The following KLHL5 variants were observed in gnomAD, a reference collection of about 807,000 sequenced individuals.
The protein encoded by KLHL5 is kelch like family member 5.
Under a neutral mutation model 77.7 loss-of-function variants are expected in KLHL5, and 48 were observed. The ratio of observed to expected loss-of-function variants is 0.62; its 90% CI spans 0.49 to 0.79. KLHL5 has a LOEUF of 0.79. Among genes scored for constraint, KLHL5 ranks in the 30% least tolerant of loss-of-function variants. The pLI is 0.00. For synonymous variants in KLHL5, 260 were observed against 297.0 expected, an observed-to-expected ratio of 0.88 and a Z score of 1.28; for missense variants, 723 against 859.7, an observed-to-expected ratio of 0.84 and a Z score of 1.99.
At chr4:39,104,176 G>A (rs1269033733) in intron 7 of KLHL5, among the ~76,000 whole-genome samples, 5 of 152,048 alleles carry the variant, frequency 3.3e-5, no homozygotes, top group South Asian at 2.1e-4. Context: ...AAGAGACATA[G>A]ATTTCCACTA....
At chr4:39,093,093 C>T (rs191360886) in intron 5 of KLHL5, 12 of 455,734 alleles carry the variant, frequency 2.6e-5, no homozygotes, top group Non-Finnish European at 4.4e-5. Context: ...AAACTGGAAG[C>T]AACCTAAGAA....
intron 2 of KLHL5, among the ~76,000 whole-genome samples, chr4:39,077,253 T>C (rs1719146195): frequency 6.6e-6 from 1 of 151,796 alleles, no homozygotes; most frequent in Non-Finnish European, 1.5e-5. Flanking sequence ...GGTCAGGAGA[T>C]TGAGACCATC....
chr4:39,140,270 T>G, the KLHL5 span, among the ~76,000 whole-genome samples: 1 of 152,134 alleles, frequency 6.6e-6, no homozygotes, highest in Non-Finnish European at 1.5e-5. Context: ...AAGCAGTGCA[T>G]AATCCTGGAT....
chr4:39,079,535 G>T (rs749982555), intron 2 of KLHL5, among the ~76,000 whole-genome samples: 21 of 152,130 alleles, frequency 1.4e-4, no homozygotes, highest in Non-Finnish European at 2.9e-4. Context: ...ATACCTGCAT[G>T]ACCAAATCCT....
rs1007737272 is a variant in KLHL5, at chr4:39,107,995, A to G, written c.1688+264A>G. On this transcript the variant is annotated intron_variant, in intron 8 of 10. Coordinates refer to ENST00000504108, the MANE Select transcript of KLHL5 (RefSeq NM_015990.5). ...TTAATGTTCAATATTAATAAGTTGTACTATAAAAATCTGGTATATCTATAT... is the reference window on the plus strand; with the variant it reads ...TTAATGTTCAATATTAATAAGTTGTGCTATAAAAATCTGGTATATCTATAT... Among the ~76,000 whole-genome samples, 4 of 151,306 alleles carry G rather than the reference A, an allele frequency of 2.6e-5. No homozygotes were observed. The East Asian group carries it at 7.7e-4, about 29-fold the overall frequency.
chr4:39,097,914 T>TA (rs1399247549), intron 6 of KLHL5, among the ~76,000 whole-genome samples: 1 of 151,992 alleles, frequency 6.6e-6, no homozygotes, highest in Non-Finnish European at 1.5e-5. Flanking sequence ...GTGGATTGCT[T>TA]AAGGTCAGGA....
intron 5 of KLHL5, among the ~76,000 whole-genome samples, 174 bp downstream of exon 5, chr4:39,086,901 A>ATTT (rs1720090638): frequency 9.6e-6 from 1 of 103,966 alleles, no homozygotes. Flanking sequence ...ATTAAGTAAC[A>ATTT]TTCTTTTTTT....
chr4:39,116,535 A>G (rs566702224), intron 10 of KLHL5, among the ~76,000 whole-genome samples: 3 of 152,266 alleles, frequency 2.0e-5, no homozygotes, highest in Admixed American at 6.5e-5. Flanking sequence ...TTTAGTGAGA[A>G]TGAAGGGGGA....
chr4:39,101,845 C>CAAAA (rs139956032), intron 6 of KLHL5, among the ~76,000 whole-genome samples: 3 of 105,362 alleles, frequency 2.8e-5, no homozygotes, highest in Admixed American at 1.1e-4. Flanking sequence ...CAGTCTGTCT[C>CAAAA]AAAAAAAAAA....
At chr4:39,108,020 T>G (rs997217222) in intron 8 of KLHL5, among the ~76,000 whole-genome samples, 3 of 151,022 alleles carry the variant, frequency 2.0e-5, no homozygotes, top group Admixed American at 2.0e-4. Context: ...TATATCTATA[T>G]TAAAATAATA....
intron 2 of KLHL5, among the ~76,000 whole-genome samples, chr4:39,080,226 A>G (rs560803408): frequency 2.6e-5 from 4 of 152,170 alleles, no homozygotes; most frequent in African/African-American, 9.7e-5. Context: ...CAGTGAAAAA[A>G]TGCCTGTTTC....
rs544432749 is a variant in KLHL5, at chr4:39,081,852, G to A, written c.704-111G>A. Reference sequence around the variant, plus strand: ...GGGATGTCTTAAACCATGTAGGTCTGTAATGCATGTAATGAGCTCTTATAT... The same window carrying A: ...GGGATGTCTTAAACCATGTAGGTCTATAATGCATGTAATGAGCTCTTATAT... On this transcript the variant is annotated intron_variant, in intron 3 of 10. Coordinates refer to ENST00000504108, the MANE Select transcript of KLHL5 (RefSeq NM_015990.5). The surrounding 1 kb of genome is among the most constrained non-coding windows in gnomAD (Gnocchi z 4.3). 1.4e-6 allele frequency: 1 copy of A among 703,740 alleles called. No individual in the cohort carries two copies. The highest frequency in any genetic ancestry group is 2.7e-5 in the South Asian group (1 of 36,390). The allele number at this position is 703,740 out of a possible 1,614,324, so 43.6% of individuals were successfully genotyped here.
chr4:39,120,995 C>G lies in KLHL5; in HGVS notation c.2074-15C>G. 1.2e-6 allele frequency: 2 copies of G among 1,606,246 alleles called. No homozygotes were observed. The highest frequency in any genetic ancestry group is 1.7e-6 in the Non-Finnish European group (2 of 1,172,856). On this transcript the variant is annotated splice_polypyrimidine_tract_variant and intron_variant, in intron 10 of 10. Coordinates refer to ENST00000504108, the MANE Select transcript of KLHL5 (RefSeq NM_015990.5). ...TAACCTACAGATCCAATACATATCT[C>G]TTTTTCCTTTTTAGGTTGCTCCACT...
intron 8 of KLHL5, among the ~76,000 whole-genome samples, chr4:39,108,834 G>T (rs1377799470): frequency 6.6e-6 from 1 of 152,080 alleles, no homozygotes; most frequent in Non-Finnish European, 1.5e-5. Context: ...ATTAATTTTT[G>T]TTCAGCAACA....
intron 5 of KLHL5, among the ~76,000 whole-genome samples, chr4:39,088,339 CT>C (rs1222657097): frequency 1.3e-5 from 2 of 152,138 alleles, no homozygotes; most frequent in African/African-American, 4.8e-5. Flanking sequence ...GTTCGAACAC[CT>C]GTTGTACAAA....
chr4:39,134,186 C>A, the KLHL5 span: 1 of 152,210 alleles, frequency 6.6e-6, no homozygotes, highest in African/African-American at 2.4e-5. Context: ...AGAAAGTTTT[C>A]TCTGGGTCTG....
At chr4:39,131,529 CAT>C (rs759702398), downstream of KLHL5, among the ~76,000 whole-genome samples, 38 of 152,174 alleles carry the variant, frequency 2.5e-4, no homozygotes, top group South Asian at 8.3e-4. Context: ...CAGAATGAAA[CAT>C]AAAATATGTT....
chr4:39,085,772 A>G (rs1719983395), intron 4 of KLHL5, among the ~76,000 whole-genome samples: 2 of 152,120 alleles, frequency 1.3e-5, no homozygotes, highest in African/African-American at 2.4e-5. Flanking sequence ...ATAGGTCACT[A>G]CTTTTTTTTC....
chr4:39,045,353 C>T (rs1716095281), intron 1 of KLHL5, among the ~76,000 whole-genome samples: 1 of 151,350 alleles, frequency 6.6e-6, no homozygotes, highest in Non-Finnish European at 1.5e-5. Context: ...CCGGAGCCGG[C>T]GCCCGGGCCG....
Sources: gnomAD v4.1 joint callset for allele counts (sites outside exome capture counted in the v4.1 genomes callset) on GRCh38, gnomAD v4.1.1 for gene constraint, Gnocchi (gnomAD v3.1) non-coding constraint, MANE v1.5 for transcripts, NCBI Gene and HGNC (gene_info 2026-07-23, HGNC 2026-07-21) for gene names.